The following GPHN variants were observed in gnomAD, a reference collection of about 807,000 sequenced individuals.
GPHN encodes the protein gephyrin.
GPHN carries 17 observed loss-of-function variants against 95.5 expected under a neutral mutation model. That is an observed-to-expected ratio of 0.18 (90% CI 0.12 to 0.27). The LOEUF (loss-of-function observed/expected upper bound fraction) is 0.27. Ranked by LOEUF, GPHN falls within the 10% of genes least tolerant of loss-of-function variation. GPHN has a pLI of 1.00. For synonymous variants in GPHN, 320 were observed against 322.5 expected (o/e 0.99, Z 0.08); for missense variants, 660 against 978.1 (o/e 0.67, Z 4.34).
the GPHN span, among the ~76,000 whole-genome samples, chr14:67,537,027 G>T: frequency 1.3e-5 from 2 of 150,276 alleles, no homozygotes; most frequent in Non-Finnish European, 1.5e-5. Context: ...GTGACAGAGC[G>T]AGACTCCATC....
chr14:66,905,156 A>G (rs2065314063), intron 5 of GPHN, among the ~76,000 whole-genome samples: 1 of 152,076 alleles, frequency 6.6e-6, no homozygotes, highest in Non-Finnish European at 1.5e-5. Flanking sequence ...ATTTTCAAAT[A>G]GCCTATCTTT....
chr14:67,181,305 C>T lies in GPHN; in HGVS notation c.*368C>T, dbSNP rs1453157559. 9.2e-6 allele frequency: 4 copies of T among 432,618 alleles called. No homozygotes were observed. Among genetic ancestry groups the T allele is most frequent in the Non-Finnish European group, 1.3e-5 (3 of 230,258 alleles). The allele number at this position is 432,618 out of a possible 1,614,324, so 26.8% of individuals were successfully genotyped here. ...TATGCTCTTAAATCAAGGCTGTCTG[C>T]TTATTTATACTAGCGTAGGCAACAC... On this transcript the variant is annotated 3_prime_UTR_variant, in exon 23 of 23. Transcript: ENST00000478722.
intron 5 of GPHN, among the ~76,000 whole-genome samples, chr14:66,910,788 C>G (rs1196545098): frequency 1.3e-5 from 2 of 151,900 alleles, no homozygotes; most frequent in Admixed American, 6.6e-5. Context: ...ATTTTCTGTT[C>G]TGTTCTTTTT....
At chr14:66,984,428 C>A (rs1483501325) in intron 9 of GPHN, among the ~76,000 whole-genome samples, 3 of 152,080 alleles carry the variant, frequency 2.0e-5, no homozygotes, top group African/African-American at 7.2e-5. Context: ...ATCTTTTGGC[C>A]ATAACATTTA....
At chr14:66,794,869 A>G (rs747479507) in intron 3 of GPHN, among the ~76,000 whole-genome samples, 7 of 152,164 alleles carry the variant, frequency 4.6e-5, no homozygotes, top group Non-Finnish European at 7.4e-5. Context: ...TCAATTTTTC[A>G]GTTAGAGAGG....
chr14:67,234,123 A>G, the GPHN span, among the ~76,000 whole-genome samples: 2 of 152,248 alleles, frequency 1.3e-5, no homozygotes, highest in Non-Finnish European at 2.9e-5. Flanking sequence ...GGAGGTAGCT[A>G]CTTTTATTAT....
intron 12 of GPHN, among the ~76,000 whole-genome samples, chr14:67,090,588 T>G (rs2077108786): frequency 6.6e-6 from 1 of 152,100 alleles, no homozygotes; most frequent in Non-Finnish European, 1.5e-5. Flanking sequence ...AACATCAAAA[T>G]CCAAAATACT....
chr14:66,655,098 A>G (rs76248146), intron 1 of GPHN, among the ~76,000 whole-genome samples: 2,582 of 152,242 alleles, frequency 0.017, 42 homozygotes, highest in Middle Eastern at 0.02. Flanking sequence ...AGCTATTATA[A>G]TTCCTTTGCC....
At chr14:67,193,768 C>T in the GPHN span, among the ~76,000 whole-genome samples, 1 of 140,130 alleles carries the variant, frequency 7.1e-6, no homozygotes, top group African/African-American at 2.6e-5. Context: ...CACAGGAAGA[C>T]CCAATTTCTA....
chr14:67,293,524 C>G, the GPHN span, among the ~76,000 whole-genome samples: 57 of 152,200 alleles, frequency 3.7e-4, no homozygotes, highest in African/African-American at 1.3e-3. Context: ...TAGATTAGCA[C>G]ATAATTGTCC....
At chr14:67,413,541 T>G in the GPHN span, among the ~76,000 whole-genome samples, 1 of 152,284 alleles carries the variant, frequency 6.6e-6, no homozygotes, top group Admixed American at 6.5e-5. Flanking sequence ...GGGGGTGCCT[T>G]TCAGAACCAG....
intron 1 of GPHN, among the ~76,000 whole-genome samples, chr14:66,553,076 C>T (rs761955925): frequency 4.6e-5 from 7 of 150,946 alleles, no homozygotes; most frequent in East Asian, 2.0e-4. Context: ...CTGTAACCTC[C>T]GCCTCCCAGG....
chr14:67,591,092 T>C, the GPHN span, among the ~76,000 whole-genome samples: 42 of 152,018 alleles, frequency 2.8e-4, no homozygotes, highest in African/African-American at 9.7e-4. Flanking sequence ...TAAAAATATA[T>C]AAAAATAGAT....
At chr14:66,905,947 G>A (rs1473237900) in intron 5 of GPHN, among the ~76,000 whole-genome samples, 2 of 149,032 alleles carry the variant, frequency 1.3e-5, no homozygotes, top group East Asian at 2.0e-4. Context: ...TGGTGTGTAT[G>A]TATCATGTTT....
At chr14:67,306,152 C>T in the GPHN span, among the ~76,000 whole-genome samples, 17 of 152,056 alleles carry the variant, frequency 1.1e-4, no homozygotes, top group South Asian at 3.1e-3. Context: ...GTATTTTTAG[C>T]AGAGATGGGG....
the GPHN span, among the ~76,000 whole-genome samples, chr14:67,508,660 C>A: frequency 6.7e-6 from 1 of 148,388 alleles, no homozygotes; most frequent in Non-Finnish European, 1.5e-5. Flanking sequence ...GCTAGAGGAT[C>A]CCTTGAGCCC....
At chr14:67,039,051 T>G (rs976428425) in intron 10 of GPHN, among the ~76,000 whole-genome samples, 1 of 152,172 alleles carries the variant, frequency 6.6e-6, no homozygotes, top group Non-Finnish European at 1.5e-5. Context: ...CAGTCAAGTA[T>G]TACATTTTAA....
intron 8 of GPHN, among the ~76,000 whole-genome samples, chr14:66,957,904 G>A (rs576370793): frequency 5.9e-5 from 9 of 152,294 alleles, no homozygotes; most frequent in Non-Finnish European, 1.0e-4. Context: ...AGGGATCTAA[G>A]TTGTGTGCTC....
intron 10 of GPHN, among the ~76,000 whole-genome samples, chr14:67,026,564 T>C (rs1445022679): frequency 6.6e-6 from 1 of 152,240 alleles, no homozygotes; most frequent in African/African-American, 2.4e-5. Flanking sequence ...AATAAGTTGC[T>C]TGTGTATATG....
Sources: gnomAD v4.1 joint callset for allele counts (sites outside exome capture counted in the v4.1 genomes callset) on GRCh38, gnomAD v4.1.1 for gene constraint, MANE v1.5 for transcripts, NCBI Gene and HGNC (gene_info 2026-07-23, HGNC 2026-07-21) for gene names.